The following RBMS1 variants were observed in gnomAD, a reference collection of about 807,000 sequenced individuals.
RBMS1 encodes the protein RNA binding motif single stranded interacting protein 1.
RBMS1 carries 17 observed loss-of-function variants against 62.3 expected under a neutral mutation model. The observed-to-expected ratio is 0.27, with a 90% CI of 0.19 to 0.41. The LOEUF is 0.41. RBMS1 is among the 10% of genes least tolerant of loss of function. RBMS1 has a pLI of 1.00. For synonymous variants in RBMS1, 172 were observed against 170.0 expected (o/e 1.01, Z -0.09); for missense variants, 334 against 504.5 (o/e 0.66, Z 3.24).
chr2:160,299,631 A>G (rs1689111300), intron 6 of RBMS1, among the ~76,000 whole-genome samples: 1 of 152,226 alleles, frequency 6.6e-6, no homozygotes, highest in Admixed American at 6.5e-5. Context: ...AAACCCTTGT[A>G]CATGAGACTT....
intron 2 of RBMS1, among the ~76,000 whole-genome samples, chr2:160,350,162 T>C (rs1692418553): frequency 6.6e-6 from 1 of 151,814 alleles, no homozygotes; most frequent in Non-Finnish European, 1.5e-5. Context: ...GTAGCCATCG[T>C]AAGACAGCCT....
At chr2:160,469,139 A>G (rs1347583046) in intron 1 of RBMS1, among the ~76,000 whole-genome samples, 1 of 152,264 alleles carries the variant, frequency 6.6e-6, no homozygotes, top group African/African-American at 2.4e-5. Flanking sequence ...GAAAACACAA[A>G]GAGAATCTTA....
At chr2:160,471,919 T>C (rs966992473) in intron 1 of RBMS1, among the ~76,000 whole-genome samples, 1 of 151,968 alleles carries the variant, frequency 6.6e-6, no homozygotes, top group East Asian at 1.9e-4. Flanking sequence ...TTTTGATATT[T>C]TGAGGTACAC....
At chr2:160,325,459 C>T (rs1365842912) in intron 2 of RBMS1, among the ~76,000 whole-genome samples, 1 of 152,054 alleles carries the variant, frequency 6.6e-6, no homozygotes, top group Non-Finnish European at 1.5e-5. Context: ...TTGAGGAAAC[C>T]CCCTCTTGTT....
At chr2:160,430,970 G>A (rs987829574) in intron 1 of RBMS1, among the ~76,000 whole-genome samples, 1 of 151,032 alleles carries the variant, frequency 6.6e-6, no homozygotes, top group Non-Finnish European at 1.5e-5. Context: ...CTCCTCCAGG[G>A]TTACCTGTGA....
intron 2 of RBMS1, among the ~76,000 whole-genome samples, chr2:160,352,270 T>A (rs991978427): frequency 1.3e-5 from 2 of 152,092 alleles, no homozygotes. Flanking sequence ...AGGGATCACC[T>A]GGGGCCCAAG....
chr2:160,362,288 C>A (rs1221934725), intron 2 of RBMS1, among the ~76,000 whole-genome samples: 1 of 152,196 alleles, frequency 6.6e-6, no homozygotes, highest in Non-Finnish European at 1.5e-5. Flanking sequence ...TCAACTTTTC[C>A]TTTGCGGGCT....
At chr2:160,311,209 A>ACTCTCTCTCTCTCTCTCTCT in intron 4 of RBMS1, among the ~76,000 whole-genome samples, 1 of 57,726 alleles carries the variant, frequency 1.7e-5, no homozygotes, top group Non-Finnish European at 3.9e-5. Flanking sequence ...AAAAAAAAAA[A>ACTCTCTCTCTCTCTCTCTCT]ATCTATCTAT....
At chr2:160,381,026 C>T (rs542622469) in intron 1 of RBMS1, among the ~76,000 whole-genome samples, 1 of 152,250 alleles carries the variant, frequency 6.6e-6, no homozygotes, top group East Asian at 1.9e-4. Flanking sequence ...GCAGTGAGAA[C>T]TTATCCATAA....
intron 1 of RBMS1, among the ~76,000 whole-genome samples, chr2:160,406,650 T>C (rs576476004): frequency 4.1e-4 from 62 of 152,376 alleles, no homozygotes; most frequent in African/African-American, 1.4e-3. Context: ...CGTTTTGTTA[T>C]TGCTGCTGCT....
At chr2:160,275,524 G>GTA in intron 13 of RBMS1, 106 bp downstream of exon 13, 1 of 1,495,700 alleles carries the variant, frequency 6.7e-7, no homozygotes, top group Non-Finnish European at 9.0e-7. Flanking sequence ...GATTAAAGCA[G>GTA]TATGATAAAA....
chr2:160,319,581 T>C lies in RBMS1; in HGVS notation c.252-1354A>G, dbSNP rs535003530. ...ATGCATTTAACTTACTCGATGCATC[T>C]GAGTCTCACGTTTCCTCATTTACAG... On this transcript the variant is annotated intron_variant, in intron 2 of 13. Transcript: ENST00000348849. Among the ~76,000 whole-genome samples, 3 of 152,364 alleles carry C rather than the reference T, an allele frequency of 2.0e-5. No individual in the cohort carries two copies. In the South Asian group the frequency reaches 6.2e-4, roughly 32 times the overall value.
chr2:160,410,430 G>T (rs1695981312), intron 1 of RBMS1, among the ~76,000 whole-genome samples: 1 of 151,912 alleles, frequency 6.6e-6, no homozygotes, highest in South Asian at 2.1e-4. Context: ...ATTACAAAGA[G>T]ATAAGATAGA....
chr2:160,394,152 A>AT (rs1008373939), intron 1 of RBMS1, among the ~76,000 whole-genome samples: 13 of 151,694 alleles, frequency 8.6e-5, no homozygotes, highest in South Asian at 2.1e-4. Flanking sequence ...CTTAATATAG[A>AT]TTTTTTTTTA....
At chr2:160,392,221 T>C (rs1005883991) in intron 1 of RBMS1, among the ~76,000 whole-genome samples, 4 of 152,190 alleles carry the variant, frequency 2.6e-5, no homozygotes, top group African/African-American at 7.2e-5. Context: ...TCTGTGCATC[T>C]TCTGGTAAAA....
At chr2:160,367,049 T>A (rs1693437390) in intron 2 of RBMS1, 167 bp downstream of exon 2, 3 of 549,418 alleles carry the variant, frequency 5.5e-6, no homozygotes, top group Non-Finnish European at 8.9e-6. Context: ...TAATATTGAC[T>A]CAAAAAGTAT....
chr2:160,469,258 CTT>C (rs1364901405), intron 1 of RBMS1, among the ~76,000 whole-genome samples: 1 of 152,198 alleles, frequency 6.6e-6, no homozygotes, highest in East Asian at 1.9e-4. Flanking sequence ...CTTGCAATCT[CTT>C]TTCTGAGTTT....
chr2:160,403,564 G>T (rs1695542813), intron 1 of RBMS1, among the ~76,000 whole-genome samples: 1 of 152,186 alleles, frequency 6.6e-6, no homozygotes, highest in Admixed American at 6.5e-5. Flanking sequence ...AGTAAACTAT[G>T]TAAATCTACT....
intron 1 of RBMS1, among the ~76,000 whole-genome samples, chr2:160,396,710 A>G (rs527659276): frequency 6.2e-4 from 94 of 151,878 alleles, no homozygotes; most frequent in Middle Eastern, 6.8e-3. Flanking sequence ...GGATACAGGC[A>G]GGCGCCACCA....
Sources: gnomAD v4.1 joint callset for allele counts (sites outside exome capture counted in the v4.1 genomes callset) on GRCh38, gnomAD v4.1.1 for gene constraint, MANE v1.5 for transcripts, NCBI Gene and HGNC (gene_info 2026-07-23, HGNC 2026-07-21) for gene names.